FAM120A: variants seen among roughly 807,000 people sequenced by gnomAD.
The protein encoded by FAM120A is family with sequence similarity 120 member A.
In FAM120A, 15 loss-of-function variants were observed where a neutral mutation model predicts 109.7. The ratio of observed to expected loss-of-function variants is 0.14; its 90% CI spans 0.09 to 0.21. FAM120A has a LOEUF of 0.21. Among genes scored for constraint, FAM120A ranks in the 10% least tolerant of loss-of-function variants. The pLI is 1.00. For missense variants in FAM120A, 899 were observed against 1,439.3 expected (o/e 0.62, Z 6.07); for synonymous variants, 493 against 572.8 (o/e 0.86, Z 1.99).
chr9:93,562,184 T>G (rs1251994723), intron 16 of FAM120A, 24 bp from the exon 17 acceptor site: 1 of 1,561,458 alleles, frequency 6.4e-7, no homozygotes, highest in Admixed American at 1.7e-5. Context: ...AAGTGTTTAC[T>G]GTTGTCCTTT....
intron 5 of FAM120A, among the ~76,000 whole-genome samples, chr9:93,511,888 G>A (rs186235367): frequency 6.6e-6 from 1 of 152,318 alleles, no homozygotes. Flanking sequence ...TGCCTCCAGG[G>A]TTCAAGCGAT....
At chr9:93,476,524 C>T (rs947330882) in intron 3 of FAM120A, among the ~76,000 whole-genome samples, 186 bp downstream of exon 3, 1 of 152,216 alleles carries the variant, frequency 6.6e-6, no homozygotes, top group Non-Finnish European at 1.5e-5. Flanking sequence ...TTGTTCTCAA[C>T]ACCTATATGT....
At chr9:93,499,150 G>A (rs1485146556) in intron 5 of FAM120A, among the ~76,000 whole-genome samples, 2 of 152,250 alleles carry the variant, frequency 1.3e-5, no homozygotes, top group African/African-American at 4.8e-5. Flanking sequence ...GGATGTTGAC[G>A]TCTTGGCAGC....
chr9:93,538,506 C>G (rs1861596270), intron 10 of FAM120A, among the ~76,000 whole-genome samples: 1 of 152,194 alleles, frequency 6.6e-6, no homozygotes, highest in African/African-American at 2.4e-5. Context: ...ATAATAGTAG[C>G]TGCTCCCTAA....
intron 7 of FAM120A, among the ~76,000 whole-genome samples, chr9:93,518,759 G>A (rs970796222): frequency 1.3e-5 from 2 of 152,204 alleles, no homozygotes; most frequent in African/African-American, 2.4e-5. Flanking sequence ...GATGGCCTGT[G>A]GTGTGAGGAC....
intron 1 of FAM120A, among the ~76,000 whole-genome samples, chr9:93,458,280 C>T (rs1470026467): frequency 6.6e-6 from 1 of 151,946 alleles, no homozygotes; most frequent in African/African-American, 2.4e-5. Context: ...ACGCTGTGTC[C>T]CTGTCACTCC....
At chr9:93,517,510 T>C (rs1417282477) in intron 7 of FAM120A, among the ~76,000 whole-genome samples, 4 of 152,226 alleles carry the variant, frequency 2.6e-5, no homozygotes, top group Non-Finnish European at 5.9e-5. Flanking sequence ...AGCCCTTATG[T>C]GCCAGATTTC....
chr9:93,546,429 G>A (rs767779199), intron 11 of FAM120A, among the ~76,000 whole-genome samples: 40 of 152,166 alleles, frequency 2.6e-4, no homozygotes, highest in East Asian at 1.9e-4. Context: ...GGGTCACATC[G>A]TTTCAGCTTC....
chr9:93,518,698 G>C (rs1242774500), intron 7 of FAM120A, among the ~76,000 whole-genome samples: 1 of 152,166 alleles, frequency 6.6e-6, no homozygotes, highest in East Asian at 1.9e-4. Flanking sequence ...GGAACTGGGA[G>C]CACCAGAGCA....
chr9:93,513,182 A>G (rs1860410737), intron 5 of FAM120A, among the ~76,000 whole-genome samples: 1 of 152,226 alleles, frequency 6.6e-6, no homozygotes, highest in Non-Finnish European at 1.5e-5. Flanking sequence ...TATTCTTTGG[A>G]CCAAACCTGC....
chr9:93,513,474 T>A (rs1337965582), intron 5 of FAM120A, among the ~76,000 whole-genome samples: 1 of 152,206 alleles, frequency 6.6e-6, no homozygotes, highest in Non-Finnish European at 1.5e-5. Context: ...TGTGCACGTG[T>A]GTCTATGTGC....
chr9:93,541,335 GGTA>G (rs943748183), intron 10 of FAM120A, among the ~76,000 whole-genome samples: 2 of 152,132 alleles, frequency 1.3e-5, no homozygotes, highest in Non-Finnish European at 2.9e-5. Flanking sequence ...GCCTGTGCAT[GGTA>G]GTGGTGGTTG....
chr9:93,479,031 T>C (rs117302895), intron 3 of FAM120A, among the ~76,000 whole-genome samples: 7,766 of 151,992 alleles, frequency 0.051, 275 homozygotes, highest in Non-Finnish European at 0.073. Context: ...TTTTCTGAAA[T>C]ATTCTTTGTG....
rs954535147 is a variant in FAM120A, at chr9:93,549,677, T to G, written c.2160-900T>G. Among the ~76,000 whole-genome samples the G allele has an allele frequency of 4.6e-5, 7 of 152,354 alleles. No individual in the cohort carries two copies. In the South Asian group the frequency reaches 1.0e-3, roughly 23 times the overall value. The stretch of plus-strand genomic sequence containing the variant: ...AGCATGTCACGGTTCTCTGAACTCC[T>G]TTTGAGTTATTTGCCAGAGATCACG... On this transcript the variant is annotated intron_variant, in intron 11 of 17. Coordinates refer to ENST00000277165, the MANE Select transcript of FAM120A (RefSeq NM_014612.5).
intron 10 of FAM120A, among the ~76,000 whole-genome samples, chr9:93,536,522 CA>C (rs1350585998): frequency 2.0e-5 from 3 of 152,206 alleles, no homozygotes; most frequent in African/African-American, 7.2e-5. Context: ...CAGAACTATT[CA>C]AAAGGCAAGC....
chr9:93,493,412 AC>A (rs1264933980), intron 3 of FAM120A, among the ~76,000 whole-genome samples: 1 of 152,140 alleles, frequency 6.6e-6, no homozygotes, highest in Non-Finnish European at 1.5e-5. Context: ...TACAATACTT[AC>A]CCTATATAAT....
At chr9:93,550,049 G>A (rs936152904) in intron 11 of FAM120A, among the ~76,000 whole-genome samples, 2 of 152,156 alleles carry the variant, frequency 1.3e-5, no homozygotes, top group Non-Finnish European at 2.9e-5. Context: ...ATGGTCCTAC[G>A]CATTGCTTTT....
intron 1 of FAM120A, among the ~76,000 whole-genome samples, chr9:93,457,735 G>A (rs1194661085): frequency 6.6e-6 from 1 of 151,540 alleles, no homozygotes; most frequent in Non-Finnish European, 1.5e-5. Context: ...TTCAGCTCTT[G>A]TGCCACCAAT....
chr9:93,527,345 C>G, intron 8 of FAM120A, 103 bp downstream of exon 8: 1 of 857,884 alleles, frequency 1.2e-6, no homozygotes, highest in Non-Finnish European at 1.9e-6. Context: ...CTCTTTTAAT[C>G]GGGTCATGTA....
Sources: gnomAD v4.1 joint callset for allele counts (sites outside exome capture counted in the v4.1 genomes callset) on GRCh38, gnomAD v4.1.1 for gene constraint, MANE v1.5 for transcripts, NCBI Gene and HGNC (gene_info 2026-07-23, HGNC 2026-07-21) for gene names.